SEMA5A: variants seen among roughly 807,000 people sequenced by gnomAD.
SEMA5A encodes semaphorin-5A.
A neutral mutation model predicts 135.5 loss-of-function variants in SEMA5A; 55 were observed. That is an observed-to-expected ratio of 0.41 (90% CI 0.33 to 0.51). The LOEUF is 0.51. SEMA5A is among the 20% of genes least tolerant of loss of function. The probability of loss-of-function intolerance (pLI) is 0.37; values close to 1 mark genes in which losing one functional copy is unlikely to be tolerated. For missense variants in SEMA5A, 1,290 were observed against 1,419.9 expected (o/e 0.91, Z 1.47); for synonymous variants, 580 against 546.5 (o/e 1.06, Z -0.85).
chr5:9,311,139 C>T (rs1356490307), intron 5 of SEMA5A, among the ~76,000 whole-genome samples: 5 of 78,018 alleles, frequency 6.4e-5, no homozygotes, highest in South Asian at 4.6e-4. Context: ...AGGTAAATTT[C>T]GCTCAACGGG....
intron 12 of SEMA5A, among the ~76,000 whole-genome samples, chr5:9,143,797 G>C (rs1276774610): frequency 8.5e-6 from 1 of 118,116 alleles, no homozygotes; most frequent in Non-Finnish European, 2.0e-5. Flanking sequence ...TGAATCCTGA[G>C]CTGTTTATCT....
intron 16 of SEMA5A, among the ~76,000 whole-genome samples, chr5:9,078,446 A>G (rs16881930): frequency 0.013 from 1,960 of 152,202 alleles, 45 homozygotes; most frequent in African/African-American, 0.044. Flanking sequence ...GTTATTTAAG[A>G]TTAAGGTTTC....
At chr5:9,158,411 T>G (rs1743070268) in intron 11 of SEMA5A, among the ~76,000 whole-genome samples, 1 of 152,090 alleles carries the variant, frequency 6.6e-6, no homozygotes, top group Non-Finnish European at 1.5e-5. Flanking sequence ...CTTCTGAAAT[T>G]TAATACTCTA....
intron 4 of SEMA5A, among the ~76,000 whole-genome samples, chr5:9,319,494 T>C (rs1315504161): frequency 1.3e-5 from 2 of 152,162 alleles, no homozygotes; most frequent in Non-Finnish European, 2.9e-5. Flanking sequence ...GACTCTAGTG[T>C]TGTAGGTTTT....
chr5:9,098,847 A>G (rs1253888027), intron 16 of SEMA5A, among the ~76,000 whole-genome samples: 2 of 152,224 alleles, frequency 1.3e-5, no homozygotes, highest in Non-Finnish European at 2.9e-5. Context: ...ATTTATTGGA[A>G]AGTTATAAAG....
chr5:9,314,281 C>G (rs969655168), intron 5 of SEMA5A, among the ~76,000 whole-genome samples: 2 of 151,448 alleles, frequency 1.3e-5, no homozygotes, highest in Non-Finnish European at 2.9e-5. Flanking sequence ...ATGGGGCGCA[C>G]CAGCGATCCA....
intron 5 of SEMA5A, among the ~76,000 whole-genome samples, chr5:9,251,390 G>A (rs1351354342): frequency 6.6e-6 from 1 of 152,154 alleles, no homozygotes; most frequent in East Asian, 1.9e-4. Flanking sequence ...AAGAGGGAGG[G>A]CATTTCTTCC....
chr5:9,489,773 A>G (rs1002497252), intron 1 of SEMA5A, among the ~76,000 whole-genome samples: 1 of 152,206 alleles, frequency 6.6e-6, no homozygotes, highest in African/African-American at 2.4e-5. Flanking sequence ...CATCCATTCC[A>G]ATAACAGTGC....
intron 15 of SEMA5A, among the ~76,000 whole-genome samples, chr5:9,115,981 C>T (rs149379209): frequency 3.0e-4 from 45 of 152,274 alleles, no homozygotes; most frequent in African/African-American, 9.9e-4. Flanking sequence ...CAGGAAGGAT[C>T]GCTTGGCAAG....
At position 9,039,865 on chromosome 5, in the gene SEMA5A, GTTC is replaced by G. The variant is rs1735865852; in HGVS notation, c.*3029_*3031del. On this transcript the variant is annotated 3_prime_UTR_variant, in exon 23 of 23. Transcript: ENST00000382496. Reference sequence around the variant, plus strand: ...ATGTTGTGTAGTGTGCAGAAATTCTGTTCTTCTCCTTCCTGTAAACTGTCAGTG... The same window carrying G: ...ATGTTGTGTAGTGTGCAGAAATTCTGTTCTCCTTCCTGTAAACTGTCAGTG... 1 of 152,234 alleles carries G rather than the reference GTTC, an allele frequency of 6.6e-6. No homozygotes were observed. Among genetic ancestry groups the G allele is most frequent in the Admixed American group, 6.5e-5 (1 of 15,284 alleles). The allele number at this position is 152,234 out of a possible 1,614,324, so 9.4% of individuals were successfully genotyped here.
chr5:9,087,657 A>G (rs1738773240), intron 16 of SEMA5A, among the ~76,000 whole-genome samples: 1 of 152,064 alleles, frequency 6.6e-6, no homozygotes, highest in Admixed American at 6.6e-5. Flanking sequence ...ACACACTTTC[A>G]TATATTATAA....
At position 9,207,256 on chromosome 5, in the gene SEMA5A, G is replaced by C. The variant is rs919075479; in HGVS notation, c.647-5016C>G. On this transcript the variant is annotated intron_variant, in intron 8 of 22. Coordinates refer to ENST00000382496, the MANE Select transcript of SEMA5A (RefSeq NM_003966.3). ...GCTGGAGTGCAATGGTGCGATCTCAGCTCACTGCAACCTCCGCCTCCCAGG... is the reference window on the plus strand; with the variant it reads ...GCTGGAGTGCAATGGTGCGATCTCACCTCACTGCAACCTCCGCCTCCCAGG... Among the ~76,000 whole-genome samples, 5 of 151,736 alleles carry C rather than the reference G, an allele frequency of 3.3e-5. 1 individual carries two copies. Among genetic ancestry groups the C allele is most frequent in the Admixed American group, 2.6e-4 (4 of 15,224 alleles).
At chr5:9,520,499 G>A (rs975630873) in intron 1 of SEMA5A, among the ~76,000 whole-genome samples, 6 of 152,262 alleles carry the variant, frequency 3.9e-5, no homozygotes, top group African/African-American at 1.4e-4. Flanking sequence ...GGGGAGGACA[G>A]GAGCTCAGAG....
chr5:9,243,409 G>A (rs543743217), intron 5 of SEMA5A, among the ~76,000 whole-genome samples: 1 of 152,224 alleles, frequency 6.6e-6, no homozygotes, highest in African/African-American at 2.4e-5. Flanking sequence ...CCAGCAATGA[G>A]CTCATCTTAA....
intron 1 of SEMA5A, among the ~76,000 whole-genome samples, chr5:9,502,316 CATG>C (rs1192792615): frequency 1.3e-5 from 2 of 152,148 alleles, no homozygotes; most frequent in Non-Finnish European, 2.9e-5. Context: ...CTATTTGCAA[CATG>C]ATGAAGTTCC....
chr5:9,047,570 A>AGAT (rs148421459), intron 21 of SEMA5A, among the ~76,000 whole-genome samples: 1,775 of 152,340 alleles, frequency 0.012, 12 homozygotes, highest in South Asian at 0.03. Flanking sequence ...TGATCAGTAA[A>AGAT]GATGGAATAC....
chr5:9,167,543 AC>A (rs1247311762), intron 11 of SEMA5A, among the ~76,000 whole-genome samples: 4 of 151,632 alleles, frequency 2.6e-5, no homozygotes, highest in Non-Finnish European at 5.9e-5. Context: ...TTTCCAGAAC[AC>A]CCCAGGACTT....
chr5:9,042,652 G>A lies in SEMA5A; in HGVS notation c.*245C>T. ...AATGGACTTGTCAGAAAAATAGGAT[G>A]AACACAATTAAAAACTTCACACCCT... is the stretch of plus-strand genomic sequence containing the variant. On this transcript the variant is annotated 3_prime_UTR_variant, in exon 23 of 23. Transcript: ENST00000382496. 1 of 442,884 alleles carries A rather than the reference G, an allele frequency of 2.3e-6. No individual in the cohort carries two copies. Among genetic ancestry groups the A allele is most frequent in the Non-Finnish European group, 4.0e-6 (1 of 251,180 alleles). 27.4% of individuals were successfully genotyped at this position (442,884 alleles called of 1,614,324 possible).
At chr5:9,337,869 G>A (rs1753464428) in intron 3 of SEMA5A, 57 bp from the exon 4 acceptor site, 3 of 1,237,272 alleles carry the variant, frequency 2.4e-6, no homozygotes, top group Non-Finnish European at 3.4e-6. Context: ...TTCCTCTGGG[G>A]ACCACAGATA....
Sources: allele counts gnomAD v4.1 joint callset (sites outside exome capture counted in the v4.1 genomes callset), GRCh38; gene constraint gnomAD v4.1.1; transcripts MANE v1.5; gene names NCBI Gene and HGNC (gene_info 2026-07-23, HGNC 2026-07-21).